Variants in WDR48 observed in about 807,000 individuals in gnomAD.
WDR48 encodes the protein WD repeat-containing protein 48.
Under a neutral mutation model 94.0 loss-of-function variants are expected in WDR48, and 22 were observed. That is an observed-to-expected ratio of 0.23 (90% CI 0.17 to 0.33). WDR48 has a LOEUF of 0.33. Ranked by LOEUF, WDR48 falls within the 10% of genes least tolerant of loss-of-function variation. The pLI is 1.00. For synonymous variants in WDR48, 278 were observed against 280.5 expected, an observed-to-expected ratio of 0.99 and a Z score of 0.09; for missense variants, 541 against 813.8, an observed-to-expected ratio of 0.66 and a Z score of 4.08.
intron 12 of WDR48, 111 bp downstream of exon 12, chr3:39,084,373 T>A (rs1052802793): frequency 5.9e-5 from 43 of 732,768 alleles, no homozygotes; most frequent in Middle Eastern, 4.2e-4. Context: ...AAAAAAAAAA[T>A]TTGTGTTAAA....
In WDR48 at chr3:39,094,834, G is replaced by C; in HGVS notation, c.*91G>C. On this transcript the variant is annotated 3_prime_UTR_variant, in exon 19 of 19. Transcript: ENST00000302313. The stretch of plus-strand genomic sequence containing the variant: ...GGAAGCCCACTGATCCCCAACGGGA[G>C]CAAGACTTCTAACGGCTGATTGGTA... 1 of 1,495,358 alleles carries C rather than the reference G, an allele frequency of 6.7e-7. No individual in the cohort carries two copies. The highest frequency in any genetic ancestry group is 9.1e-7 in the Non-Finnish European group (1 of 1,101,680). 92.6% of individuals were successfully genotyped at this position (1,495,358 alleles called of 1,614,324 possible). A position where few individuals can be genotyped will look rare whatever the true frequency, so the allele number is the denominator to read the frequency against.
At chr3:39,078,967 T>C (rs927487740) in intron 10 of WDR48, among the ~76,000 whole-genome samples, 1 of 150,032 alleles carries the variant, frequency 6.7e-6, no homozygotes, top group African/African-American at 2.5e-5. Flanking sequence ...GAGGCGGAGC[T>C]TGCAGTGAGC....
At chr3:39,061,087 G>C (rs1274448164) in intron 1 of WDR48, among the ~76,000 whole-genome samples, 1 of 152,152 alleles carries the variant, frequency 6.6e-6, no homozygotes, top group East Asian at 1.9e-4. Flanking sequence ...AATCACTATA[G>C]GTACTTGAGA....
rs367831073 is a variant in WDR48, at chr3:39,093,001, T to C, written c.1746-873T>C. Among the ~76,000 whole-genome samples the C allele has an allele frequency of 7.9e-5, 12 of 152,320 alleles. 1 individual carries two copies. The East Asian group carries it at 1.3e-3, about 17-fold the overall frequency. On this transcript the variant is annotated intron_variant, in intron 17 of 18. Transcript: ENST00000302313. The stretch of plus-strand genomic sequence containing the variant: ...GAGCGTAGGCCTTAGTTTTTTGGTA[T>C]AATAGTTATTGACTGTTATCAGAGA...
At position 39,072,700 on chromosome 3, in the gene WDR48, T is replaced by A. The variant is rs144678489; in HGVS notation, c.673-2026T>A. On this transcript the variant is annotated intron_variant, in intron 7 of 18. Coordinates refer to ENST00000302313, the MANE Select transcript of WDR48 (RefSeq NM_020839.4). ...TTACCTCATAATGAACATCTTCATG[T>A]TTATCTATGTTTTTCTAGTGGAAGG... is the stretch of plus-strand genomic sequence containing the variant. Among the ~76,000 whole-genome samples, 28 of 152,312 alleles carry A rather than the reference T, an allele frequency of 1.8e-4. No individual in the cohort carries two copies. In the Middle Eastern group the frequency reaches 0.017, roughly 93 times the overall value.
chr3:39,062,694 C>A (rs1298036646), intron 1 of WDR48, among the ~76,000 whole-genome samples: 1 of 152,152 alleles, frequency 6.6e-6, no homozygotes, highest in Non-Finnish European at 1.5e-5. Context: ...GAATTTACAT[C>A]CAATCATGAG....
intron 6 of WDR48, among the ~76,000 whole-genome samples, chr3:39,069,313 TAAAG>T (rs1471798304): frequency 2.0e-5 from 3 of 152,094 alleles, no homozygotes; most frequent in Non-Finnish European, 4.4e-5. Flanking sequence ...CATTAGAAAA[TAAAG>T]AAACCAAAAT....
chr3:39,085,706 T>C, intron 14 of WDR48, 96 bp downstream of exon 14: 1 of 1,027,568 alleles, frequency 9.7e-7, no homozygotes, highest in Non-Finnish European at 1.4e-6. Context: ...TTAGCTAAAA[T>C]ATTTGTGGTG....
chr3:39,075,551 G>A (rs531364118), intron 8 of WDR48, among the ~76,000 whole-genome samples: 6 of 152,258 alleles, frequency 3.9e-5, no homozygotes, highest in African/African-American at 1.4e-4. Context: ...GTGGGTCAAA[G>A]GGTTCTTGAG....
At chr3:39,074,235 C>G (rs1286370747) in intron 7 of WDR48, among the ~76,000 whole-genome samples, 1 of 152,144 alleles carries the variant, frequency 6.6e-6, no homozygotes, top group African/African-American at 2.4e-5. Context: ...AACAAGTGGC[C>G]AGGTAGAGAG....
intron 11 of WDR48, among the ~76,000 whole-genome samples, chr3:39,083,281 G>T (rs1036271982): frequency 6.6e-6 from 1 of 152,172 alleles, no homozygotes; most frequent in Non-Finnish European, 1.5e-5. Flanking sequence ...TAGAGAAGAT[G>T]TAGGAGTCAG....
chr3:39,070,011 A>G (rs1328215378), intron 7 of WDR48, among the ~76,000 whole-genome samples: 3 of 152,360 alleles, frequency 2.0e-5, no homozygotes. Flanking sequence ...TAAAATAACT[A>G]AAAACATTAC....
chr3:39,064,711 T>G (rs1460947793), intron 2 of WDR48, among the ~76,000 whole-genome samples: 1 of 152,194 alleles, frequency 6.6e-6, no homozygotes, highest in Admixed American at 6.5e-5. Flanking sequence ...TTTGTGTCTT[T>G]TTAGCAAGTT....
At chr3:39,085,746 C>T (rs1046129712) in intron 14 of WDR48, 136 bp downstream of exon 14, 2 of 700,780 alleles carry the variant, frequency 2.9e-6, no homozygotes. Flanking sequence ...TCTTCCATAT[C>T]TCAAAGTAGG....
At chr3:39,062,675 C>G (rs1027729332) in intron 1 of WDR48, among the ~76,000 whole-genome samples, 1 of 152,146 alleles carries the variant, frequency 6.6e-6, no homozygotes, top group Non-Finnish European at 1.5e-5. Flanking sequence ...TACTTGAGAC[C>G]ATGTTAAGGA....
At chr3:39,076,625 A>G (rs757470108) in intron 8 of WDR48, among the ~76,000 whole-genome samples, 16 of 152,212 alleles carry the variant, frequency 1.1e-4, no homozygotes, top group Non-Finnish European at 1.9e-4. Flanking sequence ...TAATATATAC[A>G]TGCACATAAA....
In WDR48 at chr3:39,074,599, C is replaced by T. The variant is rs566423686; in HGVS notation, c.673-127C>T. On this transcript the variant is annotated intron_variant, in intron 7 of 18. Coordinates refer to ENST00000302313, the MANE Select transcript of WDR48 (RefSeq NM_020839.4). ...TGGTGCATGGTTGTCAAGCCTTTAT[C>T]AGAGGCAGAAACACAGGTTAATAGA... 3 of 940,020 alleles carry T rather than the reference C, an allele frequency of 3.2e-6. No homozygotes were observed. The South Asian group carries it at 5.1e-5, about 16-fold the overall frequency. 58.2% of individuals were successfully genotyped at this position (940,020 alleles called of 1,614,324 possible).
intron 1 of WDR48, among the ~76,000 whole-genome samples, chr3:39,061,876 C>T (rs867076936): frequency 6.6e-6 from 1 of 151,076 alleles, no homozygotes; most frequent in African/African-American, 2.4e-5. Flanking sequence ...TTTCTTGTGT[C>T]TGCTGCAGAA....
At chr3:39,089,124 G>A in intron 15 of WDR48, 107 bp from the exon 16 acceptor site, 1 of 954,382 alleles carries the variant, frequency 1.0e-6, no homozygotes, top group Non-Finnish European at 1.6e-6. Flanking sequence ...TCAAGTGGGG[G>A]TTATCCTACA....
Sources: allele counts gnomAD v4.1 joint callset (sites outside exome capture counted in the v4.1 genomes callset), GRCh38; gene constraint gnomAD v4.1.1; transcripts MANE v1.5; gene names NCBI Gene and HGNC (gene_info 2026-07-23, HGNC 2026-07-21).